GABRA3: variants seen among roughly 807,000 people sequenced by gnomAD.
The protein encoded by GABRA3 is gamma-aminobutyric acid receptor subunit alpha-3.
A neutral mutation model predicts 30.1 loss-of-function variants in GABRA3; 10 were observed. The observed-to-expected ratio is 0.33, with a 90% CI of 0.20 to 0.56. GABRA3 has a LOEUF of 0.56. GABRA3 is among the 20% of genes least tolerant of loss of function. The probability of loss-of-function intolerance (pLI) is 0.89; values close to 1 mark genes in which losing one functional copy is unlikely to be tolerated. For missense variants in GABRA3, 233 were observed against 392.0 expected (o/e 0.59, Z 3.42); for synonymous variants, 151 against 146.8 (o/e 1.03, Z -0.21).
intron 1 of GABRA3, among the ~76,000 whole-genome samples, chrX:152,434,902 G>A (rs1448744552): frequency 9.0e-6 from 1 of 111,541 alleles, no homozygotes; most frequent in African/African-American, 3.3e-5. Flanking sequence ...CTTATAAATG[G>A]TATGTGATAA....
intron 8 of GABRA3, among the ~76,000 whole-genome samples, chrX:152,195,846 T>C: frequency 9.0e-6 from 1 of 111,516 alleles, no homozygotes; most frequent in Middle Eastern, 4.7e-3. Flanking sequence ...CACTCCCAAG[T>C]TCCAGGGACT....
At chrX:152,416,110 T>C (rs1930209748) in intron 1 of GABRA3, among the ~76,000 whole-genome samples, 1 of 104,816 alleles carries the variant, frequency 9.5e-6, no homozygotes, top group African/African-American at 3.5e-5. Context: ...CATGATTGTA[T>C]ATCTAGAAAA....
chrX:152,278,312 A>T (rs1315755198), intron 4 of GABRA3, among the ~76,000 whole-genome samples: 1 of 90,131 alleles, frequency 1.1e-5, no homozygotes, highest in Non-Finnish European at 2.1e-5. Flanking sequence ...TCCTGTGTCC[A>T]TGTGTTCTCA....
chrX:152,294,266 T>C (rs924256774), intron 3 of GABRA3, among the ~76,000 whole-genome samples: 15 of 111,689 alleles, frequency 1.3e-4, no homozygotes, highest in South Asian at 7.5e-4. Flanking sequence ...GGTACACCAA[T>C]CAGACGTAGA....
At chrX:152,196,582 C>T (rs1182963023) in intron 8 of GABRA3, among the ~76,000 whole-genome samples, 1 of 110,792 alleles carries the variant, frequency 9.0e-6, no homozygotes, top group Non-Finnish European at 1.9e-5. Flanking sequence ...CACTCTCATA[C>T]AGCTTCTGCT....
chrX:152,218,755 G>C (rs191584188), intron 6 of GABRA3, among the ~76,000 whole-genome samples: 4 of 111,149 alleles, frequency 3.6e-5, no homozygotes, highest in Non-Finnish European at 5.7e-5. Flanking sequence ...GATGGGAATA[G>C]GGCTCCCTGG....
chrX:152,318,498 A>T (rs772490035), intron 3 of GABRA3, among the ~76,000 whole-genome samples: 4 of 111,386 alleles, frequency 3.6e-5, no homozygotes, highest in African/African-American at 1.3e-4. Context: ...ACCCTAATAC[A>T]AAAACCAGAA....
intron 1 of GABRA3, among the ~76,000 whole-genome samples, chrX:152,440,694 T>C (rs886417045): frequency 8.9e-6 from 1 of 111,870 alleles, no homozygotes; most frequent in African/African-American, 3.3e-5. Context: ...TAAAAAAGGA[T>C]GAGTTCATGT....
chrX:152,168,666 G>C, intron 9 of GABRA3, 103 bp from the exon 10 acceptor site: 1 of 601,360 alleles, frequency 1.7e-6, no homozygotes, highest in Non-Finnish European at 2.7e-6. Flanking sequence ...GGAGCCATGA[G>C]GGAAGTTAAG....
chrX:152,197,598 A>C (rs1375458481), intron 8 of GABRA3, 35 bp downstream of exon 8: 1 of 1,156,244 alleles, frequency 8.6e-7, no homozygotes, highest in South Asian at 2.1e-5. Context: ...CTGCATGATA[A>C]GACTTTCCCC....
chrX:152,395,191 C>T (rs951581604), intron 1 of GABRA3, among the ~76,000 whole-genome samples: 22 of 111,048 alleles, frequency 2.0e-4, no homozygotes, highest in African/African-American at 7.2e-4. Flanking sequence ...TGTGTTTGGG[C>T]ATGATATAAA....
At chrX:152,239,319 A>C (rs1938303305) in intron 5 of GABRA3, among the ~76,000 whole-genome samples, 1 of 107,876 alleles carries the variant, frequency 9.3e-6, no homozygotes, top group Non-Finnish European at 1.9e-5. Flanking sequence ...TGAGATTCTT[A>C]ATACTGAGTT....
intron 1 of GABRA3, among the ~76,000 whole-genome samples, chrX:152,405,884 A>G (rs913201520): frequency 9.0e-6 from 1 of 111,526 alleles, no homozygotes; most frequent in Non-Finnish European, 1.9e-5. Context: ...CAGGTGTGAC[A>G]CAGCACAGTC....
intron 9 of GABRA3, among the ~76,000 whole-genome samples, chrX:152,170,554 G>A: frequency 8.9e-6 from 1 of 111,824 alleles, no homozygotes; most frequent in Non-Finnish European, 1.9e-5. Flanking sequence ...GGCTTCAGGT[G>A]ATCCTCCCAC....
At position 152,167,088 on chromosome X, in the gene GABRA3, A is replaced by G. The variant is rs1446948660; in HGVS notation, c.*1140T>C. ...ATATTGACTAGAGATATTTATTTGT[A>G]TGAATTTCCAATTCACCCCTCATAG... On this transcript the variant is annotated 3_prime_UTR_variant, in exon 10 of 10. Coordinates refer to ENST00000370314, the MANE Select transcript of GABRA3 (RefSeq NM_000808.4). 1 of 112,098 alleles carries G rather than the reference A, an allele frequency of 8.9e-6. No individual in the cohort carries two copies. Among genetic ancestry groups the G allele is most frequent in the Non-Finnish European group, 1.9e-5 (1 of 53,270 alleles). The allele number at this position is 112,098 out of a possible 1,213,427, so 9.2% of individuals were successfully genotyped here.
At chrX:152,307,764 T>C (rs919427832) in intron 3 of GABRA3, among the ~76,000 whole-genome samples, 1 of 111,378 alleles carries the variant, frequency 9.0e-6, no homozygotes, top group Non-Finnish European at 1.9e-5. Context: ...GAGTAACTCA[T>C]GGAGAAGGGG....
At chrX:152,450,756 G>T (rs1272351056) in intron 1 of GABRA3, among the ~76,000 whole-genome samples, 1 of 112,039 alleles carries the variant, frequency 8.9e-6, no homozygotes, top group East Asian at 2.8e-4. Flanking sequence ...AGCTGTCTGG[G>T]GGGTCATGAC....
At chrX:152,224,714 G>A (rs1157007230) in intron 6 of GABRA3, 49 bp downstream of exon 6, 1 of 908,748 alleles carries the variant, frequency 1.1e-6, no homozygotes, top group African/African-American at 2.0e-5. Flanking sequence ...GTTTCTTTTG[G>A]AAGATCAGGC....
At chrX:152,202,740 A>G (rs1459420587) in intron 7 of GABRA3, among the ~76,000 whole-genome samples, 1 of 112,338 alleles carries the variant, frequency 8.9e-6, no homozygotes, top group African/African-American at 3.2e-5. Context: ...ACATTTGGTT[A>G]CCTCATAGAG....
Sources: allele counts gnomAD v4.1 joint callset (sites outside exome capture counted in the v4.1 genomes callset), GRCh38; gene constraint gnomAD v4.1.1; transcripts MANE v1.5; gene names NCBI Gene and HGNC (gene_info 2026-07-23, HGNC 2026-07-21).